METTL23: variants seen among roughly 807,000 people sequenced by gnomAD.
METTL23 encodes histone-arginine methyltransferase METTL23.
Under a neutral mutation model 21.2 loss-of-function variants are expected in METTL23, and 24 were observed. The ratio of observed to expected loss-of-function variants is 1.13; its 90% CI spans 0.82 to 1.59. METTL23 has a LOEUF of 1.59. Ranked by LOEUF, METTL23 falls within the 40% of genes most tolerant of loss-of-function variation. METTL23 has a pLI of 0.00. For synonymous variants in METTL23, 97 were observed against 75.2 expected, an observed-to-expected ratio of 1.29 and a Z score of -1.50; for missense variants, 276 against 221.4, an observed-to-expected ratio of 1.25 and a Z score of -1.57.
At chr17:76,726,064 G>A (rs1165073781), upstream of METTL23, among the ~76,000 whole-genome samples, 1 of 152,202 alleles carries the variant, frequency 6.6e-6, no homozygotes, top group African/African-American at 2.4e-5. Flanking sequence ...TCCCCTAGGG[G>A]ACCCGCCGCC....
chr17:76,726,256 C>G (rs1172742479), upstream of METTL23: 2 of 1,442,744 alleles, frequency 1.4e-6, no homozygotes, highest in African/African-American at 3.0e-5. Context: ...CCCGGGCGCT[C>G]GGGGCGAGGG....
At chr17:76,732,711 T>C (rs934051188) in intron 2 of METTL23, 43 of 503,146 alleles carry the variant, frequency 8.5e-5, no homozygotes, top group African/African-American at 2.9e-4. Flanking sequence ...TCTGTGTGCA[T>C]AGCAATTAAC....
intron 1 of METTL23, among the ~76,000 whole-genome samples, chr17:76,729,268 CAG>C (rs749301428): frequency 2.6e-4 from 39 of 151,082 alleles, no homozygotes; most frequent in Non-Finnish European, 3.1e-4. Context: ...TTAGTAGAGA[CAG>C]GGGTTTCACC....
Position 76,733,564 on chromosome 17 carries a change from A to C in METTL23, c.451A>C (p.Lys151Gln), listed in dbSNP as rs757282276. The part of the protein sequence containing the change: ...LEALLYKWDM[K>Q]CVHIPLESFD... Reference sequence around the variant, plus strand: ...AGCTTTACTCTACAAATGGGATATGAAATGTGTCCACATTCCTCTTGAGTC... The same window carrying C: ...AGCTTTACTCTACAAATGGGATATGCAATGTGTCCACATTCCTCTTGAGTC... Residue 151 changes from lysine to glutamine, a missense_variant, in exon 5 of 5, where the codon AAA becomes CAA. Transcript: ENST00000341249. The C allele has an allele frequency of 3.1e-6, 5 of 1,613,972 alleles. No individual in the cohort carries two copies. The South Asian group carries it at 3.3e-5, about 11-fold the overall frequency.
At chr17:76,731,310 G>C (rs1405433471) in intron 2 of METTL23, among the ~76,000 whole-genome samples, 3 of 152,206 alleles carry the variant, frequency 2.0e-5, no homozygotes, top group African/African-American at 7.2e-5. Flanking sequence ...AGTTCTGGAG[G>C]CAGTGAAGTC....
chr17:76,731,640 TCA>T (rs2077212511), intron 2 of METTL23, among the ~76,000 whole-genome samples: 1 of 152,216 alleles, frequency 6.6e-6, no homozygotes, highest in Non-Finnish European at 1.5e-5. Flanking sequence ...CTACCTGGCC[TCA>T]GACTGGTGAA....
At chr17:76,727,278 T>G (rs1389676859) in intron 1 of METTL23, 100 bp downstream of exon 1, 15 of 347,508 alleles carry the variant, frequency 4.3e-5, no homozygotes, top group Non-Finnish European at 8.6e-5. Context: ...GACGCTCAGC[T>G]GCGCAGCTTC....
chr17:76,727,601 A>C (rs546021020), intron 1 of METTL23, among the ~76,000 whole-genome samples: 3 of 152,230 alleles, frequency 2.0e-5, no homozygotes, highest in African/African-American at 7.2e-5. Context: ...ATTCATCCTT[A>C]TCTCTCACTT....
At chr17:76,731,654 G>A (rs2077212931) in intron 2 of METTL23, among the ~76,000 whole-genome samples, 1 of 152,174 alleles carries the variant, frequency 6.6e-6, no homozygotes, top group South Asian at 2.1e-4. Flanking sequence ...ACTGGTGAAG[G>A]CTTGGAAAAA....
In METTL23 at chr17:76,727,020, C is replaced by T. The variant is rs970779992; in HGVS notation, c.-180C>T. ...TTCCCGCTCGCGCAGTCTGGCAGCC[C>T]GGAGCCTTCCGCGGTCCCCCGCCCG... On this transcript the variant is annotated 5_prime_UTR_variant, in exon 1 of 5. Coordinates refer to ENST00000341249, the MANE Select transcript of METTL23 (RefSeq NM_001080510.5). The T allele has an allele frequency of 2.6e-5, 12 of 455,444 alleles. No homozygotes were observed. Among genetic ancestry groups the T allele is most frequent in the African/African-American group, 4.0e-5 (2 of 50,040 alleles). The allele number at this position is 455,444 out of a possible 1,614,324, so 28.2% of individuals were successfully genotyped here.
chr17:76,730,903 A>G (rs1733577449), intron 2 of METTL23, among the ~76,000 whole-genome samples: 1 of 152,170 alleles, frequency 6.6e-6, no homozygotes, highest in South Asian at 2.1e-4. Context: ...GGAGATCGAG[A>G]CCATCCTGGC....
chr17:76,729,830 T>G (rs777399691), intron 2 of METTL23, 36 bp downstream of exon 2: 4 of 1,459,680 alleles, frequency 2.7e-6, no homozygotes. Flanking sequence ...AGTTCTAGGT[T>G]ATGTTCAGAT....
chr17:76,727,234 G>A, intron 1 of METTL23, 56 bp downstream of exon 1: 1 of 356,048 alleles, frequency 2.8e-6, no homozygotes, highest in Non-Finnish European at 5.6e-6. Context: ...GATGTCGGCT[G>A]ACTTGGCTGG....
At chr17:76,728,412 ATTT>A (rs762643941) in intron 1 of METTL23, among the ~76,000 whole-genome samples, 1 of 14,762 alleles carries the variant, frequency 6.8e-5, no homozygotes, top group Admixed American at 1.1e-3. Flanking sequence ...GGCTTCACGG[ATTT>A]TTTTTTTTTT....
Position 76,733,026 on chromosome 17 carries a change from G to A in METTL23, c.133G>A (p.Ala45Thr), listed in dbSNP as rs1568014683. ...AGGAATTTTGGCTGCCAAATGTGGT[G>A]CAGAAGTAATACTGTCAGACAGCTC... The part of the protein sequence containing the change: ...LPGILAAKCG[A>T]EVILSDSSEL... Residue 45 changes from alanine to threonine, a missense_variant, in exon 3 of 5, where the codon GCA (alanine) becomes ACA (threonine). Transcript: ENST00000341249. 5 of 1,596,824 alleles carry A rather than the reference G, an allele frequency of 3.1e-6. No homozygotes were observed. Among genetic ancestry groups the A allele is most frequent in the African/African-American group, 2.7e-5 (2 of 74,796 alleles).
intron 1 of METTL23, among the ~76,000 whole-genome samples, chr17:76,729,165 A>C (rs977325686): frequency 7.3e-5 from 11 of 151,030 alleles, no homozygotes; most frequent in Non-Finnish European, 1.6e-4. Context: ...GTCTCGGCTC[A>C]CTGCAACCTC....
At chr17:76,732,913 T>C (rs1160518132) in intron 2 of METTL23, 65 bp from the exon 3 acceptor site, 2 of 1,320,334 alleles carry the variant, frequency 1.5e-6, no homozygotes, top group East Asian at 5.1e-5. Context: ...GAAAAAGTAC[T>C]AAGATTCCCA....
Position 76,733,135 on chromosome 17 carries a change from G to T in METTL23, c.242G>T (p.Trp81Leu), listed in dbSNP as rs2077302078. The stretch of plus-strand genomic sequence containing the variant: ...CATCTGCAGGTGGTAGGACTAACAT[G>T]GGGTCATATATCTTGGGATCTTCTG... The part of the protein sequence containing the change: ...LPHLQVVGLT[W>L]GHISWDLLAL... Residue 81 changes from tryptophan (W) to leucine (L), a missense_variant, in exon 3 of 5, where the codon TGG becomes TTG. By Grantham distance (61) the Trp-to-Leu change is moderately conservative. Transcript: ENST00000341249. The T allele has an allele frequency of 6.2e-7, 1 of 1,613,678 alleles. No individual in the cohort carries two copies. The highest frequency in any genetic ancestry group is 8.5e-7 in the Non-Finnish European group (1 of 1,179,842).
intron 2 of METTL23, chr17:76,732,567 C>T (rs934080616): frequency 5.1e-5 from 9 of 177,712 alleles, no homozygotes; most frequent in South Asian, 1.1e-4. Flanking sequence ...CACTGGAACC[C>T]GGGAAGCAGA....
Sources: gnomAD v4.1 joint callset for allele counts (sites outside exome capture counted in the v4.1 genomes callset) on GRCh38, gnomAD v4.1.1 for gene constraint, MANE v1.5 for transcripts, NCBI Gene and HGNC (gene_info 2026-07-23, HGNC 2026-07-21) for gene names.